OCIAD1: variants seen among roughly 807,000 people sequenced by gnomAD.
OCIAD1 encodes the protein OCIA domain-containing protein 1.
In OCIAD1, 29 loss-of-function variants were observed where a neutral mutation model predicts 38.9. That is an observed-to-expected ratio of 0.74 (90% CI 0.55 to 1.02). The LOEUF (loss-of-function observed/expected upper bound fraction) is 1.02, where lower values mean the gene tolerates loss of function less well. Ranked by LOEUF, OCIAD1 falls within the 50% of genes least tolerant of loss-of-function variation. OCIAD1 has a pLI of 0.00. For missense variants in OCIAD1, 288 were observed against 289.6 expected, an observed-to-expected ratio of 0.99 and a Z score of 0.04; for synonymous variants, 110 against 92.0, an observed-to-expected ratio of 1.20 and a Z score of -1.12.
At chr4:48,813,433 C>T (rs142464689) in intron 1 of OCIAD1, among the ~76,000 whole-genome samples, 38 of 152,282 alleles carry the variant, frequency 2.5e-4, no homozygotes, top group Non-Finnish European at 4.7e-4. Context: ...GTGAGTGGAT[C>T]GCCTGAACTC....
chr4:48,856,740 A>G (rs1780074728), intron 7 of OCIAD1: 1 of 152,214 alleles, frequency 6.6e-6, no homozygotes, highest in Non-Finnish European at 1.5e-5. Context: ...ATTTTTGAAA[A>G]TAGCTGGAGT....
intron 3 of OCIAD1, among the ~76,000 whole-genome samples, chr4:48,835,407 A>C (rs1777889110): frequency 6.6e-6 from 1 of 152,244 alleles, no homozygotes; most frequent in Non-Finnish European, 1.5e-5. Flanking sequence ...TCAAAATTTT[A>C]CCAAATTTCA....
At chr4:48,835,829 C>T (rs759568871) in intron 3 of OCIAD1, among the ~76,000 whole-genome samples, 18 of 152,050 alleles carry the variant, frequency 1.2e-4, no homozygotes, top group Non-Finnish European at 1.2e-4. Flanking sequence ...CCTAATCCCC[C>T]AACAACAACA....
intron 1 of OCIAD1, among the ~76,000 whole-genome samples, chr4:48,807,095 C>T (rs1777036191): frequency 6.6e-6 from 1 of 152,068 alleles, no homozygotes; most frequent in Admixed American, 6.6e-5. Flanking sequence ...TTTGTAGAGA[C>T]AGAGTCTCGA....
At chr4:48,837,262 CGTTTTTTTTTTTTT>C (rs1392354066) in intron 3 of OCIAD1, 1 of 108,956 alleles carries the variant, frequency 9.2e-6, no homozygotes, top group African/African-American at 3.7e-5. Flanking sequence ...CGTAAGCCAT[CGTTTTTTTTTTTTT>C]GTTTTTTTTT....
In OCIAD1 at chr4:48,860,928, T is replaced by G; in HGVS notation, c.*166T>G. The G allele has an allele frequency of 3.2e-6, 2 of 630,640 alleles. No homozygotes were observed. Among genetic ancestry groups the G allele is most frequent in the Non-Finnish European group, 5.7e-6 (2 of 349,726 alleles). The allele number at this position is 630,640 out of a possible 1,614,324, so 39.1% of individuals were successfully genotyped here. On this transcript the variant is annotated 3_prime_UTR_variant, in exon 9 of 9. Coordinates refer to ENST00000264312, the MANE Select transcript of OCIAD1 (RefSeq NM_017830.4). ...TATGGTGTTTTAAAAAAACACAGAT[T>G]TTTAGTGTTAATATTGTGTAAATGT...
chr4:48,808,652 T>G (rs992528320), intron 1 of OCIAD1, among the ~76,000 whole-genome samples: 1 of 152,180 alleles, frequency 6.6e-6, no homozygotes, highest in African/African-American at 2.4e-5. Flanking sequence ...CTCTGAAGAA[T>G]GCAGCCCTCA....
intron 7 of OCIAD1, among the ~76,000 whole-genome samples, chr4:48,855,621 A>C (rs1459304885): frequency 1.3e-5 from 2 of 152,182 alleles, no homozygotes; most frequent in African/African-American, 4.8e-5. Context: ...GTTCAAGACC[A>C]GCCTGACCAA....
At chr4:48,844,208 C>A (rs183225607) in intron 4 of OCIAD1, among the ~76,000 whole-genome samples, 3 of 152,092 alleles carry the variant, frequency 2.0e-5, no homozygotes, top group Admixed American at 6.5e-5. Context: ...ACTGAAGAGA[C>A]AAAATCATGC....
upstream of OCIAD1, among the ~76,000 whole-genome samples, chr4:48,828,723 G>A (rs1268784309): frequency 6.6e-6 from 1 of 152,154 alleles, no homozygotes; most frequent in Non-Finnish European, 1.5e-5. Context: ...GCAAGACCAC[G>A]AACCCACCAG....
At chr4:48,853,405 T>A (rs1202213182) in intron 7 of OCIAD1, among the ~76,000 whole-genome samples, 1 of 152,224 alleles carries the variant, frequency 6.6e-6, no homozygotes, top group Non-Finnish European at 1.5e-5. Flanking sequence ...GGGTATTTAC[T>A]GTAGTATTTT....
chr4:48,808,315 A>G (rs1777049065), intron 1 of OCIAD1, among the ~76,000 whole-genome samples: 1 of 152,018 alleles, frequency 6.6e-6, no homozygotes, highest in Admixed American at 6.6e-5. Context: ...AAAAAATACA[A>G]AAAAATTAGC....
At chr4:48,836,084 T>A (rs1777954951) in intron 3 of OCIAD1, among the ~76,000 whole-genome samples, 1 of 152,186 alleles carries the variant, frequency 6.6e-6, no homozygotes, top group South Asian at 2.1e-4. Context: ...ATGTAAGGTT[T>A]TTTTTAAGGA....
chr4:48,840,857 AAG>A lies in OCIAD1; in HGVS notation c.140-1777_140-1776del, dbSNP rs796295820. Among the ~76,000 whole-genome samples, 589 of 151,796 alleles carry A rather than the reference AAG, an allele frequency of 3.9e-3. 3 individuals are homozygous for A. The highest frequency in any genetic ancestry group is 0.02 in the Middle Eastern group (6 of 294). The stretch of plus-strand genomic sequence containing the variant: ...ACAAAAAAAAAAAAAAAAAAGAAAA[AAG>A]ACAAAAAATTAGCCAGGCATGGCGG... On this transcript the variant is annotated intron_variant, in intron 3 of 8. Coordinates refer to ENST00000264312, the MANE Select transcript of OCIAD1 (RefSeq NM_017830.4).
chr4:48,824,385 C>T (rs751111945), intron 1 of OCIAD1, among the ~76,000 whole-genome samples: 45 of 151,646 alleles, frequency 3.0e-4, no homozygotes, highest in Non-Finnish European at 4.9e-4. Flanking sequence ...TTTTGTTTTT[C>T]TTTTTCTTTT....
At chr4:48,851,999 T>A (rs1194187407) in intron 7 of OCIAD1, 24 bp downstream of exon 7, 1 of 1,562,814 alleles carries the variant, frequency 6.4e-7, no homozygotes, top group Non-Finnish European at 8.7e-7. Flanking sequence ...TTGAAATGAA[T>A]TTCAACATTT....
Sources: allele counts gnomAD v4.1 joint callset (sites outside exome capture counted in the v4.1 genomes callset), GRCh38; gene constraint gnomAD v4.1.1; transcripts MANE v1.5; gene names NCBI Gene and HGNC (gene_info 2026-07-23, HGNC 2026-07-21).